CES4A: variants seen among roughly 807,000 people sequenced by gnomAD.
CES4A encodes the protein carboxylesterase 6.
A neutral mutation model predicts 65.4 loss-of-function variants in CES4A; 48 were observed. The ratio of observed to expected loss-of-function variants is 0.73; its 90% CI spans 0.58 to 0.93. The LOEUF is 0.93. Among genes scored for constraint, CES4A ranks in the 40% least tolerant of loss-of-function variants. CES4A has a pLI of 0.00. For missense variants in CES4A, 685 were observed against 728.5 expected (o/e 0.94, Z 0.69); for synonymous variants, 247 against 281.8 (o/e 0.88, Z 1.24).
chr16:67,003,044 G>A lies in CES4A; in HGVS notation c.691-26G>A, dbSNP rs752310355. On this transcript the variant is annotated intron_variant, in intron 5 of 13. Transcript: ENST00000648724. This position sits in a 1 kb window ranked among gnomAD's most constrained non-coding sequence, Gnocchi z 4.2. ...AGGTGTCTCTACTTGGGCATCTCAC[G>A]GGTGTATTCCTCCCTGTTCTTGCAG... is the stretch of plus-strand genomic sequence containing the variant. The A allele has an allele frequency of 5.0e-6, 8 of 1,593,352 alleles. No homozygotes were observed. Among genetic ancestry groups the A allele is most frequent in the South Asian group, 3.3e-5 (3 of 90,624 alleles).
At position 67,000,671 on chromosome 16, in the gene CES4A, G is replaced by T; in HGVS notation, c.294G>T (p.Ser98=). 6.5e-7 allele frequency: 1 copy of T among 1,550,062 alleles called. No individual in the cohort carries two copies. Among genetic ancestry groups the T allele is most frequent in the Non-Finnish European group, 8.7e-7 (1 of 1,147,030 alleles). Residue 98 remains serine (S), a synonymous_variant, in exon 3 of 14, where the codon TCG becomes TCT. Transcript: ENST00000648724. This position sits in a 1 kb window ranked among gnomAD's most constrained non-coding sequence, Gnocchi z 4.2. The stretch of plus-strand genomic sequence containing the variant: ...AGGAGTCCTGGGGCCAGCTGGCCTC[G>T]ATGTACGTCAGCACGCGGGAACGGT...
intron 9 of CES4A, 69 bp from the exon 10 acceptor site, chr16:67,004,723 TG>T: frequency 7.7e-7 from 1 of 1,297,950 alleles, no homozygotes; most frequent in Non-Finnish European, 1.1e-6. Context: ...TTGGGGCCTT[TG>T]TAGCTCTGGC....
intron 1 of CES4A, 29 bp from the exon 2 acceptor site, chr16:66,995,599 G>A (rs375849213): frequency 2.5e-6 from 4 of 1,599,174 alleles, no homozygotes; most frequent in Non-Finnish European, 3.4e-6. Flanking sequence ...TGACTGAGCA[G>A]AGGTGACCCT....
intron 1 of CES4A, among the ~76,000 whole-genome samples, chr16:66,991,896 G>C (rs1964422902): frequency 6.6e-6 from 1 of 152,066 alleles, no homozygotes; most frequent in Admixed American, 6.6e-5. Context: ...ATCACTTGAG[G>C]CCAAGAGTTC....
rs745434265 is a variant in CES4A, at chr16:67,001,017, C to A, written c.536+27C>A. 4 of 1,538,822 alleles carry A rather than the reference C, an allele frequency of 2.6e-6. No individual in the cohort carries two copies. Among genetic ancestry groups the A allele is most frequent in the Non-Finnish European group, 3.5e-6 (4 of 1,132,728 alleles). ...TGGCGGGGCCGGTACCCTTTGGGACCGCAGCTGTGGCCAGAGCGGCGGGGA... is the reference window on the plus strand; with the variant it reads ...TGGCGGGGCCGGTACCCTTTGGGACAGCAGCTGTGGCCAGAGCGGCGGGGA... On this transcript the variant is annotated intron_variant, in intron 4 of 13. Transcript: ENST00000648724. This position sits in a 1 kb window ranked among gnomAD's most constrained non-coding sequence, Gnocchi z 4.1.
chr16:67,004,004 C>A (rs545278868), intron 8 of CES4A, 80 bp from the exon 9 acceptor site: 108 of 1,483,080 alleles, frequency 7.3e-5, no homozygotes, highest in Non-Finnish European at 9.9e-5. Flanking sequence ...CTAGAGCAGC[C>A]TCTGAAGGGG....
intron 10 of CES4A, 148 bp downstream of exon 10, chr16:67,005,021 G>T: frequency 1.3e-6 from 1 of 759,054 alleles, no homozygotes; most frequent in South Asian, 1.7e-5. Flanking sequence ...GGGATCAGAT[G>T]ACTGCTTACA....
chr16:66,998,577 A>G (rs1053078716), intron 2 of CES4A, among the ~76,000 whole-genome samples: 1 of 152,146 alleles, frequency 6.6e-6, no homozygotes, highest in Non-Finnish European at 1.5e-5. Flanking sequence ...GTCTCTAAAG[A>G]AAGAGAGGAG....
chr16:67,010,360 C>G (rs1057017374), downstream of CES4A, among the ~76,000 whole-genome samples: 4 of 151,706 alleles, frequency 2.6e-5, no homozygotes, highest in African/African-American at 9.7e-5. Flanking sequence ...GCCACCATGC[C>G]TGGCCACTGT....
rs775625714 is a variant in CES4A at position 66,995,613 on chromosome 16, C to T, written c.59-15C>T. On this transcript the variant is annotated splice_polypyrimidine_tract_variant and intron_variant, in intron 1 of 13. Transcript: ENST00000648724. ...GTGACTGAGCAGAGGTGACCCTTTT[C>T]CCTTCTCTTCCCAGGTGCCTTGCAC... 1 of 1,612,284 alleles carries T rather than the reference C, an allele frequency of 6.2e-7. No individual in the cohort carries two copies. Among genetic ancestry groups the T allele is most frequent in the Non-Finnish European group, 8.5e-7 (1 of 1,178,510 alleles).
exon 2 of CES4A, chr16:66,995,632 C>G: frequency 6.2e-7 from 1 of 1,614,038 alleles, no homozygotes. Flanking sequence ...TCCCAGGTGC[C>G]TTGCACACCA....
intron 13 of CES4A, 24 bp downstream of exon 13, chr16:67,006,841 T>A: frequency 6.2e-7 from 1 of 1,610,490 alleles, no homozygotes; most frequent in Non-Finnish European, 8.5e-7. Context: ...CCAGCACATC[T>A]GGGCATTCTA....
intron 2 of CES4A, chr16:66,996,120 C>A: frequency 3.9e-6 from 2 of 513,252 alleles, no homozygotes; most frequent in South Asian, 1.6e-5. Flanking sequence ...TCACTGCAAC[C>A]TCCGCCTCCC....
At chr16:66,990,788 T>A (rs1298641128) in intron 1 of CES4A, among the ~76,000 whole-genome samples, 1 of 152,044 alleles carries the variant, frequency 6.6e-6, no homozygotes, top group Non-Finnish European at 1.5e-5. Flanking sequence ...TTTTTTTTTT[T>A]AATTTAAGTT....
chr16:67,000,978 T>G lies in CES4A; in HGVS notation c.524T>G (p.Phe175Cys). The change falls in exon 4 of 14, where the codon TTC becomes TGC. Residue 175 changes from phenylalanine to cysteine, a missense_variant. By Grantham distance (205) the Phe-to-Cys change is radical. Transcript: ENST00000648724. The surrounding 1 kb of genome is among the most constrained non-coding windows in gnomAD (Gnocchi z 4.2). ...TTTCTGCAGCACAGGCTCGGCATCT[T>G]CGGCTTCCTGAGGTGGCGGGGCCGG... 1 of 1,610,486 alleles carries G rather than the reference T, an allele frequency of 6.2e-7. No individual in the cohort carries two copies. The highest frequency in any genetic ancestry group is 8.5e-7 in the Non-Finnish European group (1 of 1,178,252).
intron 13 of CES4A, chr16:67,007,118 A>C: frequency 7.9e-6 from 3 of 380,438 alleles, no homozygotes; most frequent in Non-Finnish European, 1.4e-5. Context: ...AGGATGTTGC[A>C]GACATGAGCC....
At chr16:66,992,952 C>T (rs1017179757) in intron 1 of CES4A, among the ~76,000 whole-genome samples, 2 of 152,122 alleles carry the variant, frequency 1.3e-5, no homozygotes, top group Non-Finnish European at 2.9e-5. Flanking sequence ...TCCCAAAGTT[C>T]TGGGCTTATA....
rs1199418310 is a variant in CES4A at position 67,000,884 on chromosome 16, T to G, written c.430T>G (p.Phe144Val). The G allele has an allele frequency of 6.2e-7, 1 of 1,608,320 alleles. No individual in the cohort carries two copies. The highest frequency in any genetic ancestry group is 8.5e-7 in the Non-Finnish European group (1 of 1,177,466). ...GATGGTCTGGTTCCCGGGAGGCGCC[T>G]TCATCGTGGGCGCTGCTTCTTCGTA... The change falls in exon 4 of 14, where the codon TTC (phenylalanine) becomes GTC (valine). Residue 144 changes from phenylalanine (F) to valine (V), a missense_variant. Physicochemically the swap from Phe to Val is conservative, Grantham distance 50 (BLOSUM62 -1). Coordinates refer to ENST00000648724, the Ensembl canonical transcript of CES4A. This position sits in a 1 kb window ranked among gnomAD's most constrained non-coding sequence, Gnocchi z 4.2.
At position 67,001,396 on chromosome 16, in the gene CES4A, G is replaced by C; in HGVS notation, c.625G>C (p.Gly209Arg). 2 of 1,613,644 alleles carry C rather than the reference G, an allele frequency of 1.2e-6. No individual in the cohort carries two copies. Among genetic ancestry groups the C allele is most frequent in the Non-Finnish European group, 1.7e-6 (2 of 1,179,846 alleles). ...GGTGCAGGAGAACATCGCAGCCTTC[G>C]GGGGAGACCCAGGAAATGTGACCCT... The change falls in exon 5 of 14, where the codon GGG becomes CGG. Residue 209 changes from glycine (G) to arginine (R), a missense_variant. Gly to Arg is a moderately radical substitution (Grantham distance 125, BLOSUM62 -2). Coordinates refer to ENST00000648724, the Ensembl canonical transcript of CES4A. The surrounding 1 kb of genome is among the most constrained non-coding windows in gnomAD (Gnocchi z 4.1).
Sources: gnomAD v4.1 joint callset for allele counts (sites outside exome capture counted in the v4.1 genomes callset) on GRCh38, gnomAD v4.1.1 for gene constraint, Gnocchi (gnomAD v3.1) non-coding constraint, MANE v1.5 for transcripts, NCBI Gene and HGNC (gene_info 2026-07-23, HGNC 2026-07-21) for gene names.